SLC25A39: variants seen among roughly 807,000 people sequenced by gnomAD.
SLC25A39 encodes mitochondrial glutathione transporter SLC25A39.
Under a neutral mutation model 46.6 loss-of-function variants are expected in SLC25A39, and 44 were observed. That is an observed-to-expected ratio of 0.94 (90% CI 0.74 to 1.21). The LOEUF is 1.21. Ranked by LOEUF, SLC25A39 falls within the 50% of genes most tolerant of loss-of-function variation. SLC25A39 has a pLI of 0.00. For missense variants in SLC25A39, 487 were observed against 473.0 expected, an observed-to-expected ratio of 1.03 and a Z score of -0.28; for synonymous variants, 218 against 190.6, an observed-to-expected ratio of 1.14 and a Z score of -1.19.
chr17:44,320,514 T>A (rs2047994177), intron 9 of SLC25A39, 78 bp from the exon 10 acceptor site: 4 of 1,595,244 alleles, frequency 2.5e-6, no homozygotes, highest in Non-Finnish European at 3.4e-6. Flanking sequence ...CTCTTGCGGC[T>A]GGGAGGGACA....
chr17:44,321,090 C>A lies in SLC25A39; in HGVS notation c.659G>T (p.Gly220Val). Residue 220 changes from glycine to valine, a missense_variant, in exon 8 of 12, where the codon GGC (glycine) becomes GTC (valine). Physicochemically the swap from Gly to Val is moderately radical, Grantham distance 109 (BLOSUM62 -3). Transcript: ENST00000377095. ...GGGCACATCTCGAAGGGCAGTGGGGCCCCAGCCCAGCCACAGTGAGCGCCA... is the reference window on the plus strand; with the variant it reads ...GGGCACATCTCGAAGGGCAGTGGGGACCCAGCCCAGCCACAGTGAGCGCCA... ...GGWRSLWLGW[G>V]PTALRDVPFS... 6.2e-7 allele frequency: 1 copy of A among 1,609,464 alleles called. No homozygotes were observed. Among genetic ancestry groups the A allele is most frequent in the South Asian group, 1.1e-5 (1 of 90,630 alleles).
chr17:44,323,434 G>GGGCCCCCCCCCCCCCC, intron 2 of SLC25A39, 44 bp downstream of exon 2: 1 of 1,367,924 alleles, frequency 7.3e-7, no homozygotes, highest in Non-Finnish European at 1.0e-6. Flanking sequence ...TCTCCGGTCT[G>GGGCCCCCCCCCCCCCC]CCCCATCCCC....
At chr17:44,321,258 G>T in intron 7 of SLC25A39, 27 bp from the exon 8 acceptor site, 1 of 1,591,204 alleles carries the variant, frequency 6.3e-7, no homozygotes. Flanking sequence ...GGTGACAATG[G>T]GGAGAAGTGA....
At chr17:44,321,306 C>T in intron 7 of SLC25A39, 75 bp from the exon 8 acceptor site, 2 of 1,578,344 alleles carry the variant, frequency 1.3e-6, no homozygotes, top group South Asian at 1.2e-5. Context: ...ACCTGCTGTC[C>T]CAGGTCTGGG....
At position 44,320,090 on chromosome 17, in the gene SLC25A39, C is replaced by A; in HGVS notation, c.991G>T (p.Ala331Ser). Residue 331 changes from alanine to serine, a missense_variant, in exon 12 of 12, where the codon GCC (alanine) becomes TCC (serine). By Grantham distance (99) the Ala-to-Ser change is moderately conservative. Coordinates refer to ENST00000377095, the MANE Select transcript of SLC25A39 (RefSeq NM_001143780.3). The stretch of plus-strand genomic sequence containing the variant: ...CTGATCATGATGGCACAGGAGGGGG[C>A]AGCCTTGATGATCCGAGGAAGGAAG... ...AGFLPRIIKAAPSCAIMISTY... is the reference protein window; with the variant it reads ...AGFLPRIIKASPSCAIMISTY... The A allele has an allele frequency of 6.2e-7, 1 of 1,614,066 alleles. No homozygotes were observed. The highest frequency in any genetic ancestry group is 1.1e-5 in the South Asian group (1 of 91,072).
Position 44,323,542 on chromosome 17 carries a change from C to G in SLC25A39, c.21G>C (p.Ala7=). The part of the protein sequence containing the change: MADQDP[A]GISPLQQMVA... ...CCATTTGCTGGAGGGGGCTGATGCC[C>G]GCAGGGTCCTGGTCAGCCATCTTGA... Residue 7 remains alanine, a synonymous_variant, in exon 2 of 12, where the codon GCG becomes GCC. Coordinates refer to ENST00000377095, the MANE Select transcript of SLC25A39 (RefSeq NM_001143780.3). 2.5e-6 allele frequency: 4 copies of G among 1,576,534 alleles called. No homozygotes were observed. The highest frequency in any genetic ancestry group is 3.4e-6 in the Non-Finnish European group (4 of 1,161,322).
At chr17:44,323,439 A>AAGCCCCCCCCCCCCC in intron 2 of SLC25A39, 39 bp downstream of exon 2, 65 of 256,906 alleles carry the variant, frequency 2.5e-4, no homozygotes, top group Non-Finnish European at 3.0e-4. Context: ...GGTCTGCCCC[A>AAGCCCCCCCCCCCCC]TCCCCACCCG....
chr17:44,321,265 G>T, intron 7 of SLC25A39, 34 bp from the exon 8 acceptor site: 1 of 1,589,602 alleles, frequency 6.3e-7, no homozygotes, highest in East Asian at 2.2e-5. Context: ...ATGGGGAGAA[G>T]TGAGATCACA....
chr17:44,323,576 T>C lies in SLC25A39; in HGVS notation c.-14A>G. ...CTGGTCAGCCATCTTGAAGCTTCAG[T>C]CCTGAAAACCAAACCTCAAACAGAC... On this transcript the variant is annotated splice_region_variant and 5_prime_UTR_variant, in exon 2 of 12. Transcript: ENST00000377095. 1 of 1,560,160 alleles carries C rather than the reference T, an allele frequency of 6.4e-7. No homozygotes were observed. The highest frequency in any genetic ancestry group is 8.7e-7 in the Non-Finnish European group (1 of 1,152,256).
At chr17:44,324,421 T>A (rs2048163936) in intron 1 of SLC25A39, 1 of 152,058 alleles carries the variant, frequency 6.6e-6, no homozygotes, top group African/African-American at 2.4e-5. Context: ...TGCCCGGCCC[T>A]CCCCGCCCGG....
At chr17:44,323,454 C>A in intron 2 of SLC25A39, 24 bp downstream of exon 2, 3 of 1,492,898 alleles carry the variant, frequency 2.0e-6, no homozygotes, top group Non-Finnish European at 1.8e-6. Context: ...CACCCGCCCC[C>A]ACCCCACCTC....
chr17:44,323,439 A>ACCCCCCCCCCCCCCCCCCC, intron 2 of SLC25A39, 39 bp downstream of exon 2: 1 of 257,114 alleles, frequency 3.9e-6, no homozygotes, highest in Non-Finnish European at 5.7e-6. Flanking sequence ...GGTCTGCCCC[A>ACCCCCCCCCCCCCCCCCCC]TCCCCACCCG....
chr17:44,321,465 G>A lies in SLC25A39; in HGVS notation c.486C>T (p.Tyr162=), dbSNP rs960589593. The change falls in exon 7 of 12, where the codon TAC becomes TAT. Residue 162 remains tyrosine, a synonymous_variant. Transcript: ENST00000377095. ...LCGRALTSDL[Y]APMVAGALAR... Reference sequence around the variant, plus strand: ...CCAGCGCGCCAGCCACCATGGGTGCGTAGAGGTCAGAGGTCAGGGCTCGAC... The same window carrying A: ...CCAGCGCGCCAGCCACCATGGGTGCATAGAGGTCAGAGGTCAGGGCTCGAC... The A allele has an allele frequency of 1.9e-6, 3 of 1,614,042 alleles. No homozygotes were observed. Among genetic ancestry groups the A allele is most frequent in the South Asian group, 1.1e-5 (1 of 91,084 alleles).
At chr17:44,320,814 C>T in intron 8 of SLC25A39, 83 bp from the exon 9 acceptor site, 1 of 1,144,888 alleles carries the variant, frequency 8.7e-7, no homozygotes, top group Non-Finnish European at 1.3e-6. Flanking sequence ...GCCACCACTC[C>T]CTCCCAGCTG....
intron 1 of SLC25A39, chr17:44,323,808 A>T: frequency 1.9e-6 from 1 of 522,218 alleles, no homozygotes; most frequent in Non-Finnish European, 3.4e-6. Context: ...CGCCTAGTTA[A>T]TTTTTGCATT....
chr17:44,322,617 C>T lies in SLC25A39; in HGVS notation c.191-65G>A, dbSNP rs1470504738. ...GAACCTTGCAGGGAGGCAGTGGGCC[C>T]CTATCCCTGGAAGGCCAGTAAAGGC... On this transcript the variant is annotated intron_variant, in intron 4 of 11. Coordinates refer to ENST00000377095, the MANE Select transcript of SLC25A39 (RefSeq NM_001143780.3). 1.2e-5 allele frequency: 19 copies of T among 1,586,462 alleles called. No individual in the cohort carries two copies. The Admixed American group carries it at 3.5e-4, about 29-fold the overall frequency.
intron 2 of SLC25A39, 44 bp downstream of exon 2, chr17:44,323,434 G>GGGCCCCCCCCCCCCCCCCCCC: frequency 2.2e-6 from 3 of 1,367,912 alleles, no homozygotes; most frequent in Non-Finnish European, 3.0e-6. Flanking sequence ...TCTCCGGTCT[G>GGGCCCCCCCCCCCCCCCCCCC]CCCCATCCCC....
chr17:44,322,408 C>G lies in SLC25A39; in HGVS notation c.324+11G>C. 6.2e-7 allele frequency: 1 copy of G among 1,614,034 alleles called. No individual in the cohort carries two copies. The highest frequency in any genetic ancestry group is 1.7e-5 in the Admixed American group (1 of 60,016). ...CACCGACGAATCCCTACGGACCCAGCTGCTCCTCACCATGGTGCCAGTGAA... is the reference window on the plus strand; with the variant it reads ...CACCGACGAATCCCTACGGACCCAGGTGCTCCTCACCATGGTGCCAGTGAA... On this transcript the variant is annotated intron_variant, in intron 5 of 11. Coordinates refer to ENST00000377095, the MANE Select transcript of SLC25A39 (RefSeq NM_001143780.3).
rs753735439 is a variant in SLC25A39, at chr17:44,323,383, C to T, written c.86-40G>A. The T allele has an allele frequency of 5.0e-6, 8 of 1,600,808 alleles. No individual in the cohort carries two copies. In the Admixed American group the frequency reaches 1.4e-4, roughly 27 times the overall value. On this transcript the variant is annotated intron_variant, in intron 2 of 11. Coordinates refer to ENST00000377095, the MANE Select transcript of SLC25A39 (RefSeq NM_001143780.3). ...GGGTCTGAAGGCTCCTTTCAGGACCCCACCCCTAGGACTCCTCCCCCAGGA... is the reference window on the plus strand; with the variant it reads ...GGGTCTGAAGGCTCCTTTCAGGACCTCACCCCTAGGACTCCTCCCCCAGGA...
Sources: gnomAD v4.1 joint callset for allele counts on GRCh38, gnomAD v4.1.1 for gene constraint, MANE v1.5 for transcripts, NCBI Gene and HGNC (gene_info 2026-07-23, HGNC 2026-07-21) for gene names.